AKAP13: variants seen among roughly 807,000 people sequenced by gnomAD.
The protein encoded by AKAP13 is A-kinase anchor protein 13.
A neutral mutation model predicts 264.5 loss-of-function variants in AKAP13; 80 were observed. The observed-to-expected ratio is 0.30, with a 90% CI of 0.25 to 0.36. The LOEUF is 0.36. Among genes scored for constraint, AKAP13 ranks in the 10% least tolerant of loss-of-function variants. AKAP13 has a pLI of 1.00. For synonymous variants in AKAP13, 1,380 were observed against 1,250.2 expected, an observed-to-expected ratio of 1.10 and a Z score of -2.19; for missense variants, 3,712 against 3,435.2, an observed-to-expected ratio of 1.08 and a Z score of -2.01.
chr15:85,584,118 T>C (rs549275568), intron 7 of AKAP13, among the ~76,000 whole-genome samples: 1 of 152,358 alleles, frequency 6.6e-6, no homozygotes, highest in African/African-American at 2.4e-5. Flanking sequence ...AAGGGTATTT[T>C]CTATCAAGTT....
At chr15:85,681,170 G>GT (rs1176936717) in intron 14 of AKAP13, among the ~76,000 whole-genome samples, 1 of 152,146 alleles carries the variant, frequency 6.6e-6, no homozygotes, top group Non-Finnish European at 1.5e-5. Flanking sequence ...TCAGATTAAA[G>GT]TTTTGCTTAC....
At chr15:85,408,614 A>G (rs2071792806) in intron 1 of AKAP13, among the ~76,000 whole-genome samples, 1 of 151,856 alleles carries the variant, frequency 6.6e-6, no homozygotes, top group Non-Finnish European at 1.5e-5. Context: ...ACTTAGCACA[A>G]TGTCATTAGA....
At chr15:85,461,606 G>T (rs944965281) in intron 1 of AKAP13, among the ~76,000 whole-genome samples, 2 of 150,820 alleles carry the variant, frequency 1.3e-5, no homozygotes, top group African/African-American at 2.4e-5. Context: ...TAAATGGTGT[G>T]TTTTTTTTTG....
chr15:85,408,799 A>G (rs1203890641), intron 1 of AKAP13, among the ~76,000 whole-genome samples: 1 of 151,850 alleles, frequency 6.6e-6, no homozygotes, highest in Non-Finnish European at 1.5e-5. Context: ...GTGTACAGAC[A>G]TCTTTCGAAG....
intron 6 of AKAP13, chr15:85,577,957 G>A (rs2079069382): frequency 1.1e-5 from 4 of 351,748 alleles, no homozygotes; most frequent in Admixed American, 6.5e-5. Flanking sequence ...TATGAGGCAG[G>A]GTGTAAGTAG....
chr15:85,499,050 T>C (rs1300080308), intron 2 of AKAP13, among the ~76,000 whole-genome samples: 2 of 152,208 alleles, frequency 1.3e-5, no homozygotes, highest in African/African-American at 4.8e-5. Flanking sequence ...GTGTAACCCA[T>C]CAGCAGTGGT....
At chr15:85,427,752 T>C (rs914996237) in intron 1 of AKAP13, among the ~76,000 whole-genome samples, 11 of 151,670 alleles carry the variant, frequency 7.3e-5, no homozygotes, top group African/African-American at 2.7e-4. Flanking sequence ...ATGAAGGAAG[T>C]CTTGGTTTAA....
intron 15 of AKAP13, among the ~76,000 whole-genome samples, chr15:85,682,965 T>C (rs2151606991): frequency 5.7e-5 from 1 of 17,470 alleles, no homozygotes; most frequent in African/African-American, 2.8e-4. Flanking sequence ...GATTCTTTAC[T>C]TGACAGCAAG....
chr15:85,623,898 T>C (rs2081298220), intron 8 of AKAP13, among the ~76,000 whole-genome samples: 3 of 152,262 alleles, frequency 2.0e-5, no homozygotes, highest in Admixed American at 2.0e-4. Flanking sequence ...ATTGTTGGCA[T>C]GGGCCCTTTG....
chr15:85,677,015 G>T (rs2084264641), intron 14 of AKAP13: 2 of 985,448 alleles, frequency 2.0e-6, no homozygotes, highest in Non-Finnish European at 1.2e-6. Context: ...ATCTCCATCA[G>T]CATCTCTCCG....
At chr15:85,457,133 T>C (rs1292066069) in intron 1 of AKAP13, among the ~76,000 whole-genome samples, 1 of 152,220 alleles carries the variant, frequency 6.6e-6, no homozygotes, top group Non-Finnish European at 1.5e-5. Flanking sequence ...ATAGAAATAA[T>C]ATATTCTGCA....
At chr15:85,391,948 C>T (rs962195951) in intron 1 of AKAP13, among the ~76,000 whole-genome samples, 10 of 151,786 alleles carry the variant, frequency 6.6e-5, no homozygotes, top group East Asian at 5.8e-4. Context: ...CCATACCTGG[C>T]TAATTTTTGT....
chr15:85,429,962 TTTAG>T (rs2072955460), intron 1 of AKAP13, among the ~76,000 whole-genome samples: 1 of 152,236 alleles, frequency 6.6e-6, no homozygotes. Context: ...ATTCACCATG[TTTAG>T]TTAGTAGATC....
In AKAP13 at chr15:85,426,416, C is replaced by T. The variant is rs1427262345; in HGVS notation, c.-12+45618C>T. Among the ~76,000 whole-genome samples, 3 of 152,104 alleles carry T rather than the reference C, an allele frequency of 2.0e-5. No individual in the cohort carries two copies. In the East Asian group the frequency reaches 5.8e-4, roughly 29 times the overall value. ...ATCTAAAACAAAAATAGGTAGAAAT[C>T]TAAGAGAATGAGTTTGTGTGTATGC... On this transcript the variant is annotated intron_variant, in intron 1 of 36. Transcript: ENST00000394518.
intron 8 of AKAP13, among the ~76,000 whole-genome samples, chr15:85,592,948 C>G (rs1194185803): frequency 2.0e-5 from 3 of 152,114 alleles, no homozygotes; most frequent in Admixed American, 2.0e-4. Context: ...TTTCTCTGAT[C>G]TGTGTTTTCT....
chr15:85,725,348 T>C (rs1325928364), intron 26 of AKAP13, among the ~76,000 whole-genome samples: 2 of 151,574 alleles, frequency 1.3e-5, no homozygotes, highest in East Asian at 3.9e-4. Context: ...ACTTCAAGAT[T>C]CAATGAAGTT....
chr15:85,702,315 A>T (rs1308422923), intron 17 of AKAP13: 1 of 152,356 alleles, frequency 6.6e-6, no homozygotes, highest in Admixed American at 6.5e-5. Context: ...GTATGTAGTC[A>T]TCTTCTCAAA....
At chr15:85,634,618 A>G (rs1193137347) in intron 8 of AKAP13, among the ~76,000 whole-genome samples, 1 of 152,194 alleles carries the variant, frequency 6.6e-6, no homozygotes, top group African/African-American at 2.4e-5. Flanking sequence ...AACCAATATA[A>G]GTTTATAGTT....
At chr15:85,568,726 T>G (rs920520248) in intron 5 of AKAP13, among the ~76,000 whole-genome samples, 6 of 152,204 alleles carry the variant, frequency 3.9e-5, no homozygotes, top group African/African-American at 1.2e-4. Flanking sequence ...GAATTAAGAT[T>G]ATGATGAAGA....
Sources: gnomAD v4.1 joint callset for allele counts (sites outside exome capture counted in the v4.1 genomes callset) on GRCh38, gnomAD v4.1.1 for gene constraint, MANE v1.5 for transcripts, NCBI Gene and HGNC (gene_info 2026-07-23, HGNC 2026-07-21) for gene names.